SH3PXD2B: variants seen among roughly 807,000 people sequenced by gnomAD.
The protein encoded by SH3PXD2B is SH3 and PX domains 2B, also known as SH3 and PX domain-containing protein 2B.
In SH3PXD2B, 37 loss-of-function variants were observed where a neutral mutation model predicts 73.1. That is an observed-to-expected ratio of 0.51 (90% CI 0.39 to 0.67). The LOEUF (loss-of-function observed/expected upper bound fraction) is 0.67. Ranked by LOEUF, SH3PXD2B falls within the 30% of genes least tolerant of loss-of-function variation. The probability of loss-of-function intolerance (pLI) is 0.00; values close to 1 mark genes in which losing one functional copy is unlikely to be tolerated. For missense variants in SH3PXD2B, 1,053 were observed against 1,197.8 expected (o/e 0.88, Z 1.78); for synonymous variants, 457 against 480.5 (o/e 0.95, Z 0.64).
At chr5:172,357,154 G>GT (rs148850071) in intron 8 of SH3PXD2B, among the ~76,000 whole-genome samples, 8,213 of 146,840 alleles carry the variant, frequency 0.056, 329 homozygotes, top group South Asian at 0.22. Flanking sequence ...GCCAGGCGCA[G>GT]TGCTCATGCC....
At chr5:172,398,130 G>T (rs1044907066) in intron 3 of SH3PXD2B, among the ~76,000 whole-genome samples, 7 of 152,208 alleles carry the variant, frequency 4.6e-5, no homozygotes, top group African/African-American at 1.7e-4. Context: ...TGGTAAAAAA[G>T]AAATCAGGCA....
chr5:172,338,271 T>C lies in SH3PXD2B; in HGVS notation c.*98A>G. ...CACAGTACCCCAGAGTCTGTCTGCC[T>C]TGGAAGCTGCGTGGAGAATGATAAA... On this transcript the variant is annotated 3_prime_UTR_variant, in exon 13 of 13. Coordinates refer to ENST00000311601, the MANE Select transcript of SH3PXD2B (RefSeq NM_001017995.3). This position sits in a 1 kb window ranked among gnomAD's most constrained non-coding sequence, Gnocchi z 5.1. The C allele has an allele frequency of 1.2e-6, 2 of 1,604,396 alleles. No homozygotes were observed. The highest frequency in any genetic ancestry group is 3.4e-5 in the Admixed American group (2 of 58,816).
At chr5:172,416,696 CTTTTTTTTTTTTTTTTT>C (rs202242720) in intron 2 of SH3PXD2B, among the ~76,000 whole-genome samples, 23 of 62,260 alleles carry the variant, frequency 3.7e-4, no homozygotes, top group East Asian at 7.7e-4. Flanking sequence ...CTCTCTCTCT[CTTTTTTTTTTTTTTTTT>C]TTTTTTTTTT....
intron 1 of SH3PXD2B, among the ~76,000 whole-genome samples, chr5:172,434,961 T>C (rs1417864225): frequency 1.3e-5 from 2 of 152,070 alleles, no homozygotes; most frequent in African/African-American, 2.4e-5. Context: ...TTTTTTGTAT[T>C]TTTGGTAGAG....
rs1415825082 is a variant in SH3PXD2B, at chr5:172,338,249, A to G, written c.*120T>C. On this transcript the variant is annotated 3_prime_UTR_variant, in exon 13 of 13. Coordinates refer to ENST00000311601, the MANE Select transcript of SH3PXD2B (RefSeq NM_001017995.3). This position sits in a 1 kb window ranked among gnomAD's most constrained non-coding sequence, Gnocchi z 5.1. ...CCACCCATGGGAGGCAAGAAGTCAC[A>G]GTACCCCAGAGTCTGTCTGCCTTGG... 1.9e-5 allele frequency: 30 copies of G among 1,579,420 alleles called. No homozygotes were observed. Among genetic ancestry groups the G allele is most frequent in the Non-Finnish European group, 2.5e-5 (29 of 1,164,368 alleles).
intron 6 of SH3PXD2B, among the ~76,000 whole-genome samples, chr5:172,367,241 A>C (rs1757551008): frequency 7.0e-6 from 1 of 143,166 alleles, no homozygotes; most frequent in Non-Finnish European, 1.5e-5. Context: ...CCCGGCTGCC[A>C]TCTGTTTTCA....
At chr5:172,345,310 T>G (rs140169553) in intron 12 of SH3PXD2B, among the ~76,000 whole-genome samples, 2 of 152,022 alleles carry the variant, frequency 1.3e-5, no homozygotes, top group African/African-American at 4.8e-5. Flanking sequence ...GGAAAGAGGA[T>G]GGTGACGACA....
chr5:172,331,212 A>G (rs550869510), downstream of SH3PXD2B, among the ~76,000 whole-genome samples: 3 of 152,276 alleles, frequency 2.0e-5, no homozygotes, highest in South Asian at 6.2e-4. Context: ...TAAAAATAAA[A>G]ATAAATGGTA....
At chr5:172,415,704 C>T (rs879648375) in intron 2 of SH3PXD2B, among the ~76,000 whole-genome samples, 4 of 152,220 alleles carry the variant, frequency 2.6e-5, no homozygotes, top group Non-Finnish European at 4.4e-5. Flanking sequence ...ACCCTCAGCT[C>T]TCTGGGCACT....
chr5:172,412,393 C>T (rs571595699), intron 2 of SH3PXD2B, among the ~76,000 whole-genome samples: 64 of 152,322 alleles, frequency 4.2e-4, no homozygotes, highest in Admixed American at 9.8e-4. Flanking sequence ...CTTTAATTGA[C>T]TTGAATTTAC....
rs191648821 is a variant in SH3PXD2B at position 172,398,707 on chromosome 5, C to T, written c.233-4068G>A. Among the ~76,000 whole-genome samples, 30 of 152,264 alleles carry T rather than the reference C, an allele frequency of 2.0e-4. No individual in the cohort carries two copies. The East Asian group carries it at 5.8e-3, about 29-fold the overall frequency. On this transcript the variant is annotated intron_variant, in intron 3 of 12. Coordinates refer to ENST00000311601, the MANE Select transcript of SH3PXD2B (RefSeq NM_001017995.3). ...GAAAACTTTAAATGACTTCCAAAAA[C>T]TTTTGGGTAACATTAATTATTTAAG...
rs1758031704 is a variant in SH3PXD2B at position 172,385,167 on chromosome 5, T to G, written c.310-3040A>C. On this transcript the variant is annotated intron_variant, in intron 4 of 12. Transcript: ENST00000311601. ...TCCCCCCTCCCCATGGGCCTCTTTT[T>G]CCTCTGAAATCCTGCAGCCCTTGCA... Among the ~76,000 whole-genome samples, 3 of 152,118 alleles carry G rather than the reference T, an allele frequency of 2.0e-5. No homozygotes were observed. The South Asian group carries it at 6.2e-4, about 32-fold the overall frequency.
chr5:172,397,554 C>T (rs182362184), intron 3 of SH3PXD2B, among the ~76,000 whole-genome samples: 3 of 152,240 alleles, frequency 2.0e-5, no homozygotes, highest in African/African-American at 7.2e-5. Flanking sequence ...CTCCCCCGGA[C>T]ACCCAGCTTT....
chr5:172,350,097 G>A (rs971126604), intron 10 of SH3PXD2B, among the ~76,000 whole-genome samples: 3 of 152,048 alleles, frequency 2.0e-5, no homozygotes, highest in South Asian at 2.1e-4. Flanking sequence ...TCAGGTGATC[G>A]GCCTGCCTCG....
At chr5:172,423,767 C>T (rs145605912) in intron 1 of SH3PXD2B, among the ~76,000 whole-genome samples, 13 of 152,164 alleles carry the variant, frequency 8.5e-5, no homozygotes, top group African/African-American at 2.6e-4. Flanking sequence ...TTTAGCCTCC[C>T]GAGTAGCTAG....
intron 5 of SH3PXD2B, among the ~76,000 whole-genome samples, chr5:172,381,153 A>T (rs1199121413): frequency 6.6e-6 from 1 of 152,246 alleles, no homozygotes; most frequent in African/African-American, 2.4e-5. Flanking sequence ...CTGCTCAGCA[A>T]ACTCAGCCTT....
intron 4 of SH3PXD2B, among the ~76,000 whole-genome samples, chr5:172,387,511 C>T (rs1458340578): frequency 1.3e-5 from 2 of 152,198 alleles, no homozygotes; most frequent in Admixed American, 6.5e-5. Flanking sequence ...CCCTTCAGAA[C>T]GGGGCCCTGG....
Position 172,338,663 on chromosome 5 carries a change from G to C in SH3PXD2B, c.2442C>G (p.Gly814=), listed in dbSNP as rs768955562. The change falls in exon 13 of 13, where the codon GGC becomes GGG. Residue 814 remains glycine, a synonymous_variant. Coordinates refer to ENST00000311601, the MANE Select transcript of SH3PXD2B (RefSeq NM_001017995.3). The surrounding 1 kb of genome is among the most constrained non-coding windows in gnomAD (Gnocchi z 5.1). ...AKPFLSNSLG[G]QDDTRGKGSL... is the part of the protein sequence containing the mutation. The stretch of plus-strand genomic sequence containing the variant: ...TGCCTTTGCCTCGCGTGTCATCCTG[G>C]CCCCCCAAAGAGTTGGAGAGAAAAG... The C allele has an allele frequency of 3.1e-6, 5 of 1,614,048 alleles. No individual in the cohort carries two copies. The East Asian group carries it at 1.1e-4, about 36-fold the overall frequency.
At chr5:172,394,149 TG>T (rs1345765714) in intron 4 of SH3PXD2B, among the ~76,000 whole-genome samples, 1 of 152,140 alleles carries the variant, frequency 6.6e-6, no homozygotes, top group Non-Finnish European at 1.5e-5. Context: ...TCAACATGTT[TG>T]GTCAGGCTGG....
Sources: gnomAD v4.1 joint callset for allele counts (sites outside exome capture counted in the v4.1 genomes callset) on GRCh38, gnomAD v4.1.1 for gene constraint, Gnocchi (gnomAD v3.1) non-coding constraint, MANE v1.5 for transcripts, NCBI Gene and HGNC (gene_info 2026-07-23, HGNC 2026-07-21) for gene names.